ZNF831: variants seen among roughly 807,000 people sequenced by gnomAD.
ZNF831 encodes chromosome 20 open reading frame 174.
A neutral mutation model predicts 95.8 loss-of-function variants in ZNF831; 59 were observed. That is an observed-to-expected ratio of 0.62 (90% CI 0.50 to 0.77). ZNF831 has a LOEUF of 0.77. Ranked by LOEUF, ZNF831 falls within the 30% of genes least tolerant of loss-of-function variation. The pLI is 0.00. For synonymous variants in ZNF831, 961 were observed against 925.5 expected, an observed-to-expected ratio of 1.04 and a Z score of -0.70; for missense variants, 2,205 against 2,164.0, an observed-to-expected ratio of 1.02 and a Z score of -0.38.
rs1261576693 is a variant in ZNF831 at position 59,208,795 on chromosome 20, G to A, written c.4027+1739G>A. 6.6e-6 allele frequency among the ~76,000 whole-genome samples: 1 copy of A among 152,134 alleles called. No homozygotes were observed. The highest frequency in any genetic ancestry group is 1.5e-5 in the Non-Finnish European group (1 of 68,030). ...GAACCCCTGCTGAGACGCTGGCAGA[G>A]AGCTGGTAGCCCCCGCTACCTGGGA... On this transcript the variant is annotated intron_variant, in intron 4 of 5. Coordinates refer to ENST00000371030, the MANE Select transcript of ZNF831 (RefSeq NM_178457.3). The surrounding 1 kb of genome is among the most constrained non-coding windows in gnomAD (Gnocchi z 4.2).
intron 4 of ZNF831, among the ~76,000 whole-genome samples, chr20:59,228,096 G>T (rs1986527239): frequency 6.6e-6 from 1 of 152,114 alleles, no homozygotes; most frequent in African/African-American, 2.4e-5. Flanking sequence ...GGGACCATAG[G>T]CATATTTGTA....
At chr20:59,250,103 G>A (rs563620745) in intron 4 of ZNF831, among the ~76,000 whole-genome samples, 1 of 152,306 alleles carries the variant, frequency 6.6e-6, no homozygotes, top group East Asian at 1.9e-4. Context: ...TTCCCACTCC[G>A]TTTCTACTTC....
chr20:59,205,815 C>T (rs988102737), intron 3 of ZNF831, among the ~76,000 whole-genome samples: 1 of 152,152 alleles, frequency 6.6e-6, no homozygotes, highest in Non-Finnish European at 1.5e-5. Context: ...CCTGGCTCTT[C>T]GTCTCATTCT....
intron 1 of ZNF831, among the ~76,000 whole-genome samples, chr20:59,126,029 A>G (rs1979161630): frequency 6.6e-6 from 1 of 152,142 alleles, no homozygotes; most frequent in Admixed American, 6.5e-5. Context: ...CCATCAACAA[A>G]GAGTTATTGA....
At chr20:59,231,211 A>G (rs1243309967) in intron 4 of ZNF831, among the ~76,000 whole-genome samples, 1 of 152,246 alleles carries the variant, frequency 6.6e-6, no homozygotes, top group African/African-American at 2.4e-5. Context: ...AACCTGGGAA[A>G]TGTAGTTTTC....
At chr20:59,134,137 C>T (rs1979433298) in intron 1 of ZNF831, among the ~76,000 whole-genome samples, 1 of 152,206 alleles carries the variant, frequency 6.6e-6, no homozygotes, top group Non-Finnish European at 1.5e-5. Context: ...TGTGGACTAT[C>T]ATGCCCAGAA....
At chr20:59,225,050 A>G (rs1453940598) in intron 4 of ZNF831, among the ~76,000 whole-genome samples, 1 of 151,668 alleles carries the variant, frequency 6.6e-6, no homozygotes, top group East Asian at 1.9e-4. Flanking sequence ...TCATTAGTCT[A>G]TATCTGTTGT....
At chr20:59,222,099 C>T (rs1213221423) in intron 4 of ZNF831, among the ~76,000 whole-genome samples, 1 of 152,232 alleles carries the variant, frequency 6.6e-6, no homozygotes, top group Non-Finnish European at 1.5e-5. Context: ...CCTCCTGTCT[C>T]CCAGCTTATC....
rs2146767323 is a variant in ZNF831 at position 59,254,289 on chromosome 20, G to C, written c.4580G>C (p.Ser1527Thr). 3.1e-6 allele frequency: 5 copies of C among 1,614,002 alleles called. No individual in the cohort carries two copies. Among genetic ancestry groups the C allele is most frequent in the East Asian group, 4.5e-5 (2 of 44,864 alleles). ...ACTGCAGGGAGGACTCTGACATCAA[G>C]CTCCCCAGACAGCAAAGTCACAGAA... ...SQTAGRTLTSSSPDSKVTEEG... is the reference protein window; with the variant it reads ...SQTAGRTLTSTSPDSKVTEEG... Residue 1527 changes from serine to threonine, a missense_variant, in exon 6 of 6, where the codon AGC becomes ACC. Physicochemically the swap from Ser to Thr is moderately conservative, Grantham distance 58. Coordinates refer to ENST00000371030, the MANE Select transcript of ZNF831 (RefSeq NM_178457.3). This position sits in a 1 kb window ranked among gnomAD's most constrained non-coding sequence, Gnocchi z 4.5.
chr20:59,227,525 A>G (rs184735770), intron 4 of ZNF831, among the ~76,000 whole-genome samples: 42 of 152,324 alleles, frequency 2.8e-4, no homozygotes, highest in Middle Eastern at 3.4e-3. Context: ...GTAGAAAAAG[A>G]CCTAGTATCT....
upstream of ZNF831, among the ~76,000 whole-genome samples, chr20:59,158,852 G>A (rs770943766): frequency 1.3e-5 from 2 of 152,088 alleles, no homozygotes; most frequent in Admixed American, 6.5e-5. Flanking sequence ...CCCCCACCCC[G>A]CAGCATCTTA....
chr20:59,125,192 G>A (rs1309987828), intron 1 of ZNF831, among the ~76,000 whole-genome samples: 2 of 152,254 alleles, frequency 1.3e-5, no homozygotes, highest in Non-Finnish European at 2.9e-5. Context: ...TGCAAGATCA[G>A]GGAGATATTA....
intron 2 of ZNF831, among the ~76,000 whole-genome samples, chr20:59,157,946 A>G (rs1333012928): frequency 6.6e-6 from 1 of 152,222 alleles, no homozygotes; most frequent in Non-Finnish European, 1.5e-5. Flanking sequence ...TAGCTGAAAT[A>G]TAAACATTTT....
intron 4 of ZNF831, among the ~76,000 whole-genome samples, chr20:59,225,670 C>T (rs539545546): frequency 9.2e-5 from 14 of 152,226 alleles, no homozygotes; most frequent in South Asian, 2.1e-4. Flanking sequence ...CATTAGATGA[C>T]GTGAGGTAAA....
intron 3 of ZNF831, among the ~76,000 whole-genome samples, chr20:59,197,044 C>T (rs979840397): frequency 2.0e-5 from 3 of 151,906 alleles, no homozygotes; most frequent in Non-Finnish European, 4.4e-5. Context: ...GTCTTGGCCT[C>T]CCAAAGTGCT....
At chr20:59,222,124 C>CT (rs1000733885) in intron 4 of ZNF831, among the ~76,000 whole-genome samples, 4 of 152,238 alleles carry the variant, frequency 2.6e-5, no homozygotes, top group African/African-American at 9.6e-5. Context: ...TGATAAAGTT[C>CT]TTTTTAACCC....
intron 4 of ZNF831, among the ~76,000 whole-genome samples, chr20:59,213,086 A>C (rs1985451110): frequency 6.6e-6 from 1 of 152,210 alleles, no homozygotes; most frequent in African/African-American, 2.4e-5. Context: ...AGTCTTTGGA[A>C]AGATTGATAA....
intron 3 of ZNF831, among the ~76,000 whole-genome samples, chr20:59,196,868 TGG>T (rs1568762327): frequency 6.6e-5 from 10 of 151,824 alleles, no homozygotes; most frequent in African/African-American, 2.4e-4. Context: ...ACCTCTGCCT[TGG>T]GGGTTCAAGC....
intron 4 of ZNF831, among the ~76,000 whole-genome samples, chr20:59,244,130 A>G (rs1987477249): frequency 6.6e-6 from 1 of 152,170 alleles, no homozygotes; most frequent in African/African-American, 2.4e-5. Context: ...ATTGCCTTTC[A>G]TCAAAGAAAG....
Sources: gnomAD v4.1 joint callset for allele counts (sites outside exome capture counted in the v4.1 genomes callset) on GRCh38, gnomAD v4.1.1 for gene constraint, Gnocchi (gnomAD v3.1) non-coding constraint, MANE v1.5 for transcripts, NCBI Gene and HGNC (gene_info 2026-07-23, HGNC 2026-07-21) for gene names.